PRICKLE1: variants seen among roughly 807,000 people sequenced by gnomAD.
PRICKLE1 encodes the protein prickle-like protein 1.
Under a neutral mutation model 70.2 loss-of-function variants are expected in PRICKLE1, and 14 were observed. That is an observed-to-expected ratio of 0.20 (90% CI 0.13 to 0.31). The LOEUF is 0.31. Ranked by LOEUF, PRICKLE1 falls within the 10% of genes least tolerant of loss-of-function variation. The pLI is 1.00. For synonymous variants in PRICKLE1, 357 were observed against 379.9 expected (o/e 0.94, Z 0.70); for missense variants, 821 against 1,026.2 (o/e 0.80, Z 2.73).
At chr12:42,561,877 G>C (rs1259478327) in intron 1 of PRICKLE1, among the ~76,000 whole-genome samples, 1 of 147,112 alleles carries the variant, frequency 6.8e-6, no homozygotes, top group African/African-American at 2.5e-5. Context: ...GCGAAAATAT[G>C]ATGTTCCACT....
intron 1 of PRICKLE1, among the ~76,000 whole-genome samples, chr12:42,486,086 T>C (rs1325580509): frequency 1.3e-5 from 2 of 152,212 alleles, no homozygotes; most frequent in African/African-American, 4.8e-5. Flanking sequence ...GATCACACTT[T>C]AGGGGCCAGT....
intron 1 of PRICKLE1, among the ~76,000 whole-genome samples, chr12:42,563,897 C>A (rs1940573069): frequency 6.6e-6 from 1 of 151,724 alleles, no homozygotes; most frequent in South Asian, 2.1e-4. Flanking sequence ...TGGGCACAAA[C>A]CAGAATGTAA....
chr12:42,504,492 A>G (rs1220853006), intron 1 of PRICKLE1, among the ~76,000 whole-genome samples: 2 of 152,212 alleles, frequency 1.3e-5, no homozygotes, highest in Admixed American at 6.5e-5. Flanking sequence ...ACCCAAGCTT[A>G]GTAGGTGTAT....
intron 1 of PRICKLE1, chr12:42,484,193 C>G (rs367746251): frequency 1.3e-5 from 2 of 151,214 alleles, no homozygotes; most frequent in Admixed American, 6.6e-5. Flanking sequence ...TGCCCCTGGC[C>G]GATCTCCACG....
intron 1 of PRICKLE1, among the ~76,000 whole-genome samples, chr12:42,506,663 C>T (rs1382636259): frequency 6.7e-6 from 1 of 148,178 alleles, no homozygotes; most frequent in Non-Finnish European, 1.5e-5. Context: ...GCAATCTCTG[C>T]CTCCCGGGTT....
intron 1 of PRICKLE1, among the ~76,000 whole-genome samples, chr12:42,538,132 T>A (rs187065153): frequency 1.2e-4 from 19 of 152,258 alleles, no homozygotes; most frequent in African/African-American, 4.3e-4. Context: ...CTGGGCAACA[T>A]AGGGAGACCC....
At chr12:42,479,229 T>C (rs1593125154) in intron 1 of PRICKLE1, among the ~76,000 whole-genome samples, 1 of 152,244 alleles carries the variant, frequency 6.6e-6, no homozygotes, top group East Asian at 1.9e-4. Context: ...TGAAACAATA[T>C]GTTAATAACA....
intron 1 of PRICKLE1, among the ~76,000 whole-genome samples, chr12:42,568,088 T>G (rs2120738452): frequency 6.6e-6 from 1 of 152,350 alleles, no homozygotes; most frequent in African/African-American, 2.4e-5. Context: ...TAAATCATCC[T>G]TGAGATCTGC....
At chr12:42,578,743 TTTTATTTATTTATTTA>T (rs10699517) in intron 1 of PRICKLE1, among the ~76,000 whole-genome samples, 2 of 146,184 alleles carry the variant, frequency 1.4e-5, no homozygotes, top group Non-Finnish European at 3.0e-5. Context: ...GTTTATTTCA[TTTTATTTATTTATTTA>T]TTTATTTATT....
chr12:42,561,974 C>T (rs1305556204), intron 1 of PRICKLE1, among the ~76,000 whole-genome samples: 10 of 144,860 alleles, frequency 6.9e-5, no homozygotes, highest in African/African-American at 1.0e-4. Flanking sequence ...TGCAGTGGCA[C>T]GATCTCGGCT....
intron 1 of PRICKLE1, among the ~76,000 whole-genome samples, chr12:42,586,650 ATATAGG>A (rs1940991266): frequency 1.3e-5 from 2 of 152,338 alleles, no homozygotes; most frequent in East Asian, 3.9e-4. Context: ...AGAGCCCAAA[ATATAGG>A]TATAGGCCAT....
intron 1 of PRICKLE1, among the ~76,000 whole-genome samples, chr12:42,568,215 C>T (rs577985738): frequency 6.4e-4 from 98 of 152,296 alleles, no homozygotes; most frequent in African/African-American, 2.2e-3. Flanking sequence ...GGCTCTATTG[C>T]CCAGGCTGGA....
intron 1 of PRICKLE1, among the ~76,000 whole-genome samples, chr12:42,497,371 C>T (rs1486261722): frequency 1.1e-4 from 16 of 151,872 alleles, no homozygotes; most frequent in Admixed American, 9.2e-4. Context: ...CGGTGAAACC[C>T]TGTCTCTACT....
chr12:42,505,959 A>G (rs189547962), intron 1 of PRICKLE1, among the ~76,000 whole-genome samples: 7 of 152,246 alleles, frequency 4.6e-5, no homozygotes, highest in South Asian at 2.1e-4. Flanking sequence ...GTCTACAGAC[A>G]TCATTCACTT....
At chr12:42,478,393 A>C (rs1551205) in intron 1 of PRICKLE1, among the ~76,000 whole-genome samples, 31,622 of 152,072 alleles carry the variant, frequency 0.21, 4,162 homozygotes, top group African/African-American at 0.37. Context: ...CCTCATAATG[A>C]AGGAGAAAGA....
chr12:42,548,677 T>C (rs1001375992), intron 1 of PRICKLE1, among the ~76,000 whole-genome samples: 3 of 152,196 alleles, frequency 2.0e-5, no homozygotes, highest in African/African-American at 7.2e-5. Context: ...TGTTGAGTCT[T>C]TGAGGTGGGA....
chr12:42,564,449 A>G (rs1940587722), intron 1 of PRICKLE1, among the ~76,000 whole-genome samples: 1 of 150,994 alleles, frequency 6.6e-6, no homozygotes, highest in African/African-American at 2.4e-5. Flanking sequence ...TCTACTAAAA[A>G]TACAAAAAAT....
Position 42,469,601 on chromosome 12 carries a change from A to G in PRICKLE1, c.247-14T>C. 2 of 1,613,938 alleles carry G rather than the reference A, an allele frequency of 1.2e-6. No individual in the cohort carries two copies. Among genetic ancestry groups the G allele is most frequent in the Non-Finnish European group, 1.7e-6 (2 of 1,180,026 alleles). On this transcript the variant is annotated splice_polypyrimidine_tract_variant and intron_variant, in intron 3 of 7. Coordinates refer to ENST00000345127, the MANE Select transcript of PRICKLE1 (RefSeq NM_153026.3). Reference sequence around the variant, plus strand: ...GCAATACCGTACCTTCACAGAAAGCAAAACAGAAACACCACACTGAGTGCA... The same window carrying G: ...GCAATACCGTACCTTCACAGAAAGCGAAACAGAAACACCACACTGAGTGCA...
intron 1 of PRICKLE1, among the ~76,000 whole-genome samples, chr12:42,492,112 T>A (rs57279500): frequency 4.0e-5 from 6 of 151,204 alleles, no homozygotes; most frequent in East Asian, 1.9e-4. Flanking sequence ...AAAAAAAAAA[T>A]TTATTCAGAG....
Sources: gnomAD v4.1 joint callset for allele counts (sites outside exome capture counted in the v4.1 genomes callset) on GRCh38, gnomAD v4.1.1 for gene constraint, MANE v1.5 for transcripts, NCBI Gene and HGNC (gene_info 2026-07-23, HGNC 2026-07-21) for gene names.